The following AGAP1 variants were observed in gnomAD, a reference collection of about 807,000 sequenced individuals.
AGAP1 encodes the protein ArfGAP with GTPase domain, ankyrin repeat and PH domain 1.
Under a neutral mutation model 105.3 loss-of-function variants are expected in AGAP1, and 29 were observed. The ratio of observed to expected loss-of-function variants is 0.28; its 90% CI spans 0.21 to 0.38. The LOEUF is 0.38. AGAP1 is among the 10% of genes least tolerant of loss of function. AGAP1 has a pLI of 1.00. For missense variants in AGAP1, 998 were observed against 1,165.1 expected (o/e 0.86, Z 2.09); for synonymous variants, 509 against 485.9 (o/e 1.05, Z -0.63).
At chr2:235,656,993 A>G (rs928802030) in intron 1 of AGAP1, among the ~76,000 whole-genome samples, 3 of 152,234 alleles carry the variant, frequency 2.0e-5, no homozygotes, top group Admixed American at 1.3e-4. Context: ...AATGAATCCA[A>G]TTAATATTCC....
chr2:235,775,447 G>A (rs1219483574), intron 6 of AGAP1, among the ~76,000 whole-genome samples: 1 of 152,138 alleles, frequency 6.6e-6, no homozygotes, highest in African/African-American at 2.4e-5. Flanking sequence ...AGTTACCATA[G>A]AAAGCTTTTT....
chr2:235,831,196 A>AC lies in AGAP1; in HGVS notation c.1050+23865_1050+23866insC, dbSNP rs1553643963. Among the ~76,000 whole-genome samples, 301 of 151,574 alleles carry AC rather than the reference A, an allele frequency of 2.0e-3. 1 individual carries two copies. The highest frequency in any genetic ancestry group is 3.3e-3 in the Non-Finnish European group (226 of 67,880). ...CACTCTTCTTCTTTAAAAAAAAAAAAAAAAAACAGTAAACGTTCTTTTTTA... is the reference window on the plus strand; with the variant it reads ...CACTCTTCTTCTTTAAAAAAAAAAAACAAAAAACAGTAAACGTTCTTTTTTA... On this transcript the variant is annotated intron_variant, in intron 9 of 17. Transcript: ENST00000304032.
rs2058813036 is a variant in AGAP1 at position 236,082,493 on chromosome 2, C to T, written c.2114+33212C>T. ...AGAGCTTTTCCTAAGCATCGATCCC[C>T]TCCAGAAAGGAAGATGGTTCCCAAA... On this transcript the variant is annotated intron_variant, in intron 16 of 17. Transcript: ENST00000304032. This position sits in a 1 kb window ranked among gnomAD's most constrained non-coding sequence, Gnocchi z 4.2. Among the ~76,000 whole-genome samples the T allele has an allele frequency of 6.6e-6, 1 of 152,200 alleles. No individual in the cohort carries two copies. The highest frequency in any genetic ancestry group is 1.5e-5 in the Non-Finnish European group (1 of 68,036).
At chr2:235,896,838 C>G (rs2050829353) in intron 10 of AGAP1, among the ~76,000 whole-genome samples, 1 of 152,238 alleles carries the variant, frequency 6.6e-6, no homozygotes, top group South Asian at 2.1e-4. Context: ...TAAAAACTCA[C>G]TGGTGTTACA....
rs954170180 is a variant in AGAP1, at chr2:236,020,245, C to G, written c.1646-16316C>G. Among the ~76,000 whole-genome samples, 3 of 152,194 alleles carry G rather than the reference C, an allele frequency of 2.0e-5. No individual in the cohort carries two copies. The highest frequency in any genetic ancestry group is 1.3e-4 in the Admixed American group (2 of 15,286). On this transcript the variant is annotated intron_variant, in intron 13 of 17. Coordinates refer to ENST00000304032, the MANE Select transcript of AGAP1 (RefSeq NM_001037131.3). This position sits in a 1 kb window ranked among gnomAD's most constrained non-coding sequence, Gnocchi z 5.0. ...ACATGGCCCCTGCATTGCTCCTTGC[C>G]TAGGACCAGTAAGCCCCAGTACTCA...
rs1881188 is a variant in AGAP1 at position 235,611,913 on chromosome 2, A to C, written c.164-97266A>C. On this transcript the variant is annotated intron_variant, in intron 1 of 17. Coordinates refer to ENST00000304032, the MANE Select transcript of AGAP1 (RefSeq NM_001037131.3). The surrounding 1 kb of genome is among the most constrained non-coding windows in gnomAD (Gnocchi z 5.0). ...GTGACTGGGAGCATTGCTGTTTGGC[A>C]TGCTTGTGGGCACGGTTTAAGGGTT... 4.5e-4 allele frequency among the ~76,000 whole-genome samples: 69 copies of C among 152,052 alleles called. No homozygotes were observed. The highest frequency in any genetic ancestry group is 1.3e-3 in the African/African-American group (55 of 41,476).
intron 11 of AGAP1, among the ~76,000 whole-genome samples, chr2:235,924,195 A>G (rs1215704586): frequency 6.6e-6 from 1 of 152,102 alleles, no homozygotes; most frequent in Non-Finnish European, 1.5e-5. Context: ...TCTTAGGTAG[A>G]CTTAAGGCAG....
intron 16 of AGAP1, among the ~76,000 whole-genome samples, chr2:236,102,566 C>T (rs1445519256): frequency 6.9e-6 from 1 of 145,606 alleles, no homozygotes; most frequent in African/African-American, 2.6e-5. Flanking sequence ...CCAGCCTGGG[C>T]GACAGAGTGA....
intron 1 of AGAP1, among the ~76,000 whole-genome samples, chr2:235,534,059 C>T (rs1234012512): frequency 2.0e-5 from 3 of 152,342 alleles, no homozygotes; most frequent in Non-Finnish European, 2.9e-5. Flanking sequence ...CAAACACCGT[C>T]GCTGTCGATG....
chr2:236,040,413 T>TA lies in AGAP1; in HGVS notation c.1801-337dup, dbSNP rs2057511521. Among the ~76,000 whole-genome samples the TA allele has an allele frequency of 1.3e-5, 2 of 152,210 alleles. No homozygotes were observed. The highest frequency in any genetic ancestry group is 4.8e-5 in the African/African-American group (2 of 41,434). On this transcript the variant is annotated intron_variant, in intron 14 of 17. Coordinates refer to ENST00000304032, the MANE Select transcript of AGAP1 (RefSeq NM_001037131.3). This position sits in a 1 kb window ranked among gnomAD's most constrained non-coding sequence, Gnocchi z 5.6. ...TCTTCTTACCAAGTAGACATGTGGC[T>TA]ACTGCCCAGAAGGTTACCCATTTAC...
At chr2:235,774,560 G>C in intron 6 of AGAP1, 1 of 311,590 alleles carries the variant, frequency 3.2e-6, no homozygotes, top group Non-Finnish European at 6.4e-6. Flanking sequence ...ACTGAAAACT[G>C]TCGCATTTAA....
At chr2:235,984,963 T>C (rs1255805294) in intron 13 of AGAP1, among the ~76,000 whole-genome samples, 1 of 152,220 alleles carries the variant, frequency 6.6e-6, no homozygotes, top group African/African-American at 2.4e-5. Context: ...TTTGGGTATA[T>C]ACCTAGTAAT....
intron 9 of AGAP1, among the ~76,000 whole-genome samples, chr2:235,812,751 C>T (rs768973999): frequency 4.6e-5 from 7 of 152,216 alleles, no homozygotes; most frequent in Non-Finnish European, 8.8e-5. Flanking sequence ...GGCCTCTCTG[C>T]GTAGGCAGAG....
intron 6 of AGAP1, among the ~76,000 whole-genome samples, chr2:235,768,767 G>A (rs957494427): frequency 4.6e-5 from 7 of 152,214 alleles, no homozygotes; most frequent in Non-Finnish European, 7.3e-5. Flanking sequence ...GCCGTGGGAT[G>A]AAGCCTGCTC....
intron 1 of AGAP1, among the ~76,000 whole-genome samples, chr2:235,537,054 C>A (rs572555357): frequency 4.6e-5 from 7 of 152,322 alleles, no homozygotes; most frequent in Admixed American, 4.6e-4. Context: ...CTGCGCCTGC[C>A]CAGGTCCAGC....
chr2:235,807,091 C>T, intron 8 of AGAP1, 148 bp from the exon 9 acceptor site: 2 of 678,694 alleles, frequency 2.9e-6, no homozygotes, highest in South Asian at 3.7e-5. Context: ...AACTACTGAG[C>T]TGTCTGCTCG....
chr2:236,069,324 A>C (rs556891956), intron 16 of AGAP1, among the ~76,000 whole-genome samples: 73 of 152,186 alleles, frequency 4.8e-4, no homozygotes, highest in Non-Finnish European at 9.6e-4. Context: ...AAAATCTTAC[A>C]TTTCATATAA....
At position 235,557,289 on chromosome 2, in the gene AGAP1, T is replaced by C. The variant is rs1017847917; in HGVS notation, c.163+62440T>C. 5.9e-5 allele frequency among the ~76,000 whole-genome samples: 9 copies of C among 152,160 alleles called. No homozygotes were observed. The highest frequency in any genetic ancestry group is 1.3e-4 in the Non-Finnish European group (9 of 68,030). ...TGGGGATGCTCAGAGCCCGGCTCTT[T>C]CATGGGATCACAGTTTGTTCACCTT... is the stretch of plus-strand genomic sequence containing the variant. On this transcript the variant is annotated intron_variant, in intron 1 of 17. Transcript: ENST00000304032. The surrounding 1 kb of genome is among the most constrained non-coding windows in gnomAD (Gnocchi z 4.7).
chr2:235,802,970 GGTTGTGGTT>G (rs1957604904), intron 8 of AGAP1, among the ~76,000 whole-genome samples: 2 of 129,550 alleles, frequency 1.5e-5, no homozygotes, highest in Non-Finnish European at 1.7e-5. Flanking sequence ...TTGTGATGAT[GGTTGTGGTT>G]GTGATGGTTG....
Sources: allele counts gnomAD v4.1 joint callset (sites outside exome capture counted in the v4.1 genomes callset), GRCh38; gene constraint gnomAD v4.1.1; non-coding constraint Gnocchi (gnomAD v3.1); transcripts MANE v1.5; gene names NCBI Gene and HGNC (gene_info 2026-07-23, HGNC 2026-07-21).